PALLD: variants seen among roughly 807,000 people sequenced by gnomAD.
PALLD encodes palladin.
In PALLD, 61 loss-of-function variants were observed where a neutral mutation model predicts 123.5. The observed-to-expected ratio is 0.49, with a 90% CI of 0.40 to 0.61. The LOEUF (loss-of-function observed/expected upper bound fraction) is 0.61. PALLD is among the 20% of genes least tolerant of loss of function. The pLI is 0.00. For missense variants in PALLD, 1,273 were observed against 1,377.0 expected (o/e 0.92, Z 1.20); for synonymous variants, 465 against 496.4 (o/e 0.94, Z 0.84).
At position 168,724,018 on chromosome 4, in the gene PALLD, G is replaced by A. The variant is rs146423237; in HGVS notation, c.1964+12095G>A. 6.4e-4 allele frequency among the ~76,000 whole-genome samples: 96 copies of A among 149,800 alleles called. No homozygotes were observed. In the East Asian group the frequency reaches 0.019, roughly 30 times the overall value. On this transcript the variant is annotated intron_variant, in intron 10 of 21. Transcript: ENST00000505667. Reference sequence around the variant, plus strand: ...AGCAATTCTCCTGCCTCAGCCTCCCGAATAGCTGGGATTACAGGCACGTGC... The same window carrying A: ...AGCAATTCTCCTGCCTCAGCCTCCCAAATAGCTGGGATTACAGGCACGTGC...
At chr4:168,792,031 C>T (rs950717913) in intron 10 of PALLD, among the ~76,000 whole-genome samples, 13 of 152,108 alleles carry the variant, frequency 8.5e-5, no homozygotes, top group Non-Finnish European at 1.0e-4. Flanking sequence ...AGGAACTCTT[C>T]AAAAATTTGA....
intron 10 of PALLD, among the ~76,000 whole-genome samples, chr4:168,762,612 T>C (rs1336953568): frequency 2.6e-5 from 4 of 152,228 alleles, no homozygotes; most frequent in Admixed American, 2.6e-4. Context: ...TGGAAGACAG[T>C]GTGGTGATCC....
intron 2 of PALLD, among the ~76,000 whole-genome samples, chr4:168,665,968 C>A (rs183355090): frequency 8.5e-6 from 1 of 117,058 alleles, no homozygotes; most frequent in East Asian, 2.2e-4. Context: ...TTATGTTCCC[C>A]GCCCCCCACC....
At chr4:168,615,550 T>A (rs769405468) in intron 2 of PALLD, among the ~76,000 whole-genome samples, 2 of 152,194 alleles carry the variant, frequency 1.3e-5, no homozygotes, top group Non-Finnish European at 2.9e-5. Flanking sequence ...TTTACATTCC[T>A]TCTTGGATTA....
intron 3 of PALLD, among the ~76,000 whole-genome samples, chr4:168,669,800 GCACACACACACACA>G (rs10637670): frequency 6.1e-5 from 9 of 147,932 alleles, no homozygotes; most frequent in Non-Finnish European, 1.3e-4. Flanking sequence ...CTTACAAAAT[GCACACACACACACA>G]CACACACACA....
chr4:168,843,611 A>T (rs1160471485), intron 10 of PALLD, among the ~76,000 whole-genome samples: 1 of 152,162 alleles, frequency 6.6e-6, no homozygotes, highest in Non-Finnish European at 1.5e-5. Context: ...TTTCATAGGC[A>T]AGGAGAATCC....
chr4:168,587,929 G>C (rs1027745815), intron 2 of PALLD, among the ~76,000 whole-genome samples: 2 of 152,080 alleles, frequency 1.3e-5, no homozygotes, highest in East Asian at 3.9e-4. Context: ...AGGGGAAGTG[G>C]ACAGGAGATG....
chr4:168,626,866 T>C (rs1370849282), intron 2 of PALLD, among the ~76,000 whole-genome samples: 1 of 151,894 alleles, frequency 6.6e-6, no homozygotes, highest in Admixed American at 6.6e-5. Flanking sequence ...AAAAGACAAA[T>C]ACTGTATGAT....
At chr4:168,597,562 C>T (rs1243712206) in intron 2 of PALLD, among the ~76,000 whole-genome samples, 1 of 151,978 alleles carries the variant, frequency 6.6e-6, no homozygotes, top group Admixed American at 6.6e-5. Flanking sequence ...TTGATACATT[C>T]TTTCTGAGTA....
At chr4:168,817,083 G>T (rs1742077861) in intron 10 of PALLD, among the ~76,000 whole-genome samples, 1 of 152,122 alleles carries the variant, frequency 6.6e-6, no homozygotes, top group Admixed American at 6.6e-5. Context: ...TGTTTTACTT[G>T]TTCCACAAAA....
intron 10 of PALLD, among the ~76,000 whole-genome samples, chr4:168,732,557 A>G (rs1787281241): frequency 6.6e-6 from 1 of 152,250 alleles, no homozygotes; most frequent in Non-Finnish European, 1.5e-5. Flanking sequence ...ATGTTTAAAA[A>G]GTGAAAATAA....
chr4:168,541,921 A>G (rs530856650), intron 2 of PALLD, among the ~76,000 whole-genome samples: 17 of 152,246 alleles, frequency 1.1e-4, no homozygotes, highest in Non-Finnish European at 2.4e-4. Flanking sequence ...CCCAGAATAC[A>G]GGAGTGAACA....
rs1203119526 is a variant in PALLD, at chr4:168,668,248, G to A, written c.967G>A (p.Gly323Arg). Residue 323 changes from glycine (G) to arginine (R), a missense_variant, in exon 3 of 22, where the codon GGA (glycine) becomes AGA (arginine). Physicochemically the swap from Gly to Arg is moderately radical, Grantham distance 125 (BLOSUM62 -2). This residue lies in a region of PALLD where 944 missense variants were observed against 954.5 expected (regional missense o/e 0.99). Transcript: ENST00000505667. ...TCCTGATATTCAAATCCACTGTGAG[G>A]GAGGGGACCTCCATACCCTGATCAT... is the stretch of plus-strand genomic sequence containing the variant. Reference protein sequence around the residue: ...NTPDIQIHCEGGDLHTLIIAE... With the variant: ...NTPDIQIHCERGDLHTLIIAE... 3 of 1,613,968 alleles carry A rather than the reference G, an allele frequency of 1.9e-6. No individual in the cohort carries two copies. The highest frequency in any genetic ancestry group is 2.5e-6 in the Non-Finnish European group (3 of 1,179,940).
chr4:168,749,307 A>T (rs1334775876), intron 10 of PALLD, among the ~76,000 whole-genome samples: 1 of 152,106 alleles, frequency 6.6e-6, no homozygotes, highest in East Asian at 1.9e-4. Context: ...TGTTTTCTTT[A>T]TAAATTACCC....
intron 10 of PALLD, among the ~76,000 whole-genome samples, chr4:168,766,365 C>T (rs1733661150): frequency 1.3e-5 from 2 of 152,180 alleles, no homozygotes; most frequent in South Asian, 2.1e-4. Context: ...AGTTCCTAGA[C>T]TTCTCTTTAG....
chr4:168,725,219 C>A (rs976342927), intron 10 of PALLD, among the ~76,000 whole-genome samples: 5 of 152,184 alleles, frequency 3.3e-5, no homozygotes, highest in African/African-American at 1.2e-4. Context: ...GCCATCGACT[C>A]TTCTTTTCGC....
At chr4:168,590,889 T>C (rs1014570602) in intron 2 of PALLD, among the ~76,000 whole-genome samples, 1 of 143,142 alleles carries the variant, frequency 7.0e-6, no homozygotes, top group Non-Finnish European at 1.5e-5. Flanking sequence ...TTTTTTTTTT[T>C]TTTTTTTGAG....
At chr4:168,775,592 A>G (rs1410495523) in intron 10 of PALLD, among the ~76,000 whole-genome samples, 1 of 152,218 alleles carries the variant, frequency 6.6e-6, no homozygotes, top group Non-Finnish European at 1.5e-5. Context: ...ATCTTATTAA[A>G]GAAATTCTTG....
rs568805378 is a variant in PALLD at position 168,759,572 on chromosome 4, G to A, written c.1964+47649G>A. Among the ~76,000 whole-genome samples, 11 of 152,024 alleles carry A rather than the reference G, an allele frequency of 7.2e-5. 1 individual carries two copies. The highest frequency in any genetic ancestry group is 2.4e-4 in the African/African-American group (10 of 41,464). On this transcript the variant is annotated intron_variant, in intron 10 of 21. Coordinates refer to ENST00000505667, the MANE Select transcript of PALLD (RefSeq NM_001166108.2). ...CCATCCATCCTTTCTTTGTTCCTTT[G>A]GGGAAAGAGGAACCTGTGAGAAGAA...
Sources: allele counts gnomAD v4.1 joint callset (sites outside exome capture counted in the v4.1 genomes callset), GRCh38; gene constraint gnomAD v4.1.1; regional missense constraint gnomAD v4.1.1; transcripts MANE v1.5; gene names NCBI Gene and HGNC (gene_info 2026-07-23, HGNC 2026-07-21).